The following DNAH6 variants were observed in gnomAD, a reference collection of about 807,000 sequenced individuals.
The protein encoded by DNAH6 is dynein axonemal heavy chain 6.
In DNAH6, 340 loss-of-function variants were observed where a neutral mutation model predicts 491.4. That is an observed-to-expected ratio of 0.69 (90% CI 0.63 to 0.76). The LOEUF (loss-of-function observed/expected upper bound fraction) is 0.76. Among genes scored for constraint, DNAH6 ranks in the 30% least tolerant of loss-of-function variants. The pLI is 0.00. For missense variants in DNAH6, 4,443 were observed against 4,972.2 expected (o/e 0.89, Z 3.20); for synonymous variants, 1,603 against 1,686.1 (o/e 0.95, Z 1.21).
In DNAH6 at chr2:84,785,615, C is replaced by A; in HGVS notation, c.10959C>A (p.Thr3653=). 3 of 1,531,568 alleles carry A rather than the reference C, an allele frequency of 2.0e-6. No individual in the cohort carries two copies. 94.9% of individuals were successfully genotyped at this position (1,531,568 alleles called of 1,614,324 possible). A position where few individuals can be genotyped will look rare whatever the true frequency, so the allele number is the denominator to read the frequency against. ...VTVLQNSVKV[T]NEPPKGLRAN... ...TATATTCTATCTAAATCCAGGTGAC[C>A]AATGAGCCTCCAAAAGGCTTACGTG... The change falls in exon 67 of 77, where the codon ACC becomes ACA. Residue 3653 remains threonine (T), a synonymous_variant. Transcript: ENST00000389394.
chr2:84,549,786 A>C, intron 8 of DNAH6, 103 bp from the exon 9 acceptor site: 1 of 786,594 alleles, frequency 1.3e-6, no homozygotes, highest in Non-Finnish European at 1.9e-6. Flanking sequence ...TTCAAGGAGA[A>C]ATTATGATAT....
chr2:84,627,140 C>A (rs1687954890), intron 29 of DNAH6, among the ~76,000 whole-genome samples: 1 of 152,126 alleles, frequency 6.6e-6, no homozygotes, highest in African/African-American at 2.4e-5. Context: ...AATTATAAAG[C>A]CCCACCTCAG....
chr2:84,614,072 A>G (rs1019336410), intron 22 of DNAH6, among the ~76,000 whole-genome samples: 2 of 151,658 alleles, frequency 1.3e-5, no homozygotes, highest in African/African-American at 4.9e-5. Flanking sequence ...CAGGTGGTGT[A>G]TGGTTCTATG....
chr2:84,575,905 C>T (rs1336957170), intron 12 of DNAH6, among the ~76,000 whole-genome samples: 1 of 152,110 alleles, frequency 6.6e-6, no homozygotes, highest in Non-Finnish European at 1.5e-5. Context: ...AGAAAGAAAT[C>T]GTATTTCTCA....
intron 23 of DNAH6, among the ~76,000 whole-genome samples, chr2:84,617,989 G>A (rs1019797622): frequency 6.6e-6 from 1 of 152,050 alleles, no homozygotes; most frequent in Non-Finnish European, 1.5e-5. Context: ...CCATGAGTCA[G>A]CCCCAGGTGA....
the DNAH6 span, among the ~76,000 whole-genome samples, chr2:84,477,841 A>G: frequency 1.3e-5 from 2 of 152,242 alleles, no homozygotes; most frequent in East Asian, 3.8e-4. Flanking sequence ...GGGATGTGCT[A>G]AAGCTTTGTA....
the DNAH6 span, among the ~76,000 whole-genome samples, chr2:84,491,568 C>G: frequency 2.6e-5 from 4 of 152,054 alleles, no homozygotes; most frequent in African/African-American, 9.7e-5. Context: ...ACTTTTTTGC[C>G]GTAAAGGGAC....
At chr2:84,803,262 C>T (rs1049932065) in intron 70 of DNAH6, among the ~76,000 whole-genome samples, 3 of 151,616 alleles carry the variant, frequency 2.0e-5, no homozygotes, top group African/African-American at 7.3e-5. Context: ...TACACATGGA[C>T]GTAAAGATGG....
At chr2:84,714,271 T>C (rs1697321882) in intron 57 of DNAH6, among the ~76,000 whole-genome samples, 1 of 152,244 alleles carries the variant, frequency 6.6e-6, no homozygotes, top group African/African-American at 2.4e-5. Flanking sequence ...CTTCACCAGA[T>C]GTGTTCAGGT....
intron 63 of DNAH6, among the ~76,000 whole-genome samples, chr2:84,754,388 C>T (rs1305853558): frequency 6.6e-6 from 1 of 151,556 alleles, no homozygotes; most frequent in Non-Finnish European, 1.5e-5. Flanking sequence ...ACCATGTTGG[C>T]CAGGCTGGTC....
intron 57 of DNAH6, among the ~76,000 whole-genome samples, chr2:84,713,883 C>T (rs963242270): frequency 6.6e-6 from 1 of 152,186 alleles, no homozygotes; most frequent in African/African-American, 2.4e-5. Context: ...CCTTCTCATG[C>T]TCTTAGATTC....
intron 63 of DNAH6, among the ~76,000 whole-genome samples, chr2:84,754,807 A>T (rs2105093159): frequency 6.6e-6 from 1 of 152,300 alleles, no homozygotes; most frequent in Non-Finnish European, 1.5e-5. Flanking sequence ...TGAGCTTGTC[A>T]GTTCCTGAAA....
chr2:84,621,169 C>T (rs1687359352), intron 24 of DNAH6, 22 bp from the exon 25 acceptor site: 1 of 1,550,286 alleles, frequency 6.5e-7, no homozygotes, highest in African/African-American at 1.4e-5. Context: ...GCCACTTTAT[C>T]AATGCTCTGA....
intron 2 of DNAH6, among the ~76,000 whole-genome samples, chr2:84,518,640 G>A (rs1001390796): frequency 2.6e-5 from 4 of 152,158 alleles, no homozygotes; most frequent in African/African-American, 9.7e-5. Context: ...ACTAACCGTT[G>A]ATGATTAAAG....
At chr2:84,641,810 G>A (rs1689434502) in intron 32 of DNAH6, 137 bp from the exon 33 acceptor site, 1 of 662,840 alleles carries the variant, frequency 1.5e-6, no homozygotes, top group Admixed American at 2.9e-5. Flanking sequence ...GATGAACGCT[G>A]AACACACGAG....
rs752676700 is a variant in DNAH6 at position 84,557,846 on chromosome 2, C to T, written c.1714C>T (p.Leu572Phe). The change falls in exon 11 of 77, where the codon CTT becomes TTT. Residue 572 changes from leucine (L) to phenylalanine (F), a missense_variant. Around this residue, in one of 3 missense-constraint regions of DNAH6, gnomAD observed 2,977 missense variants for 3,296.6 expected, o/e 0.90. Transcript: ENST00000389394. The part of the protein sequence containing the change: ...AFTSPYINNK[L>F]EGKTCGTGPS... ...CACCAGCCCTTATATTAACAACAAA[C>T]TTGAAGGAAAAACCTGTGGAACTGG... 36 of 1,612,848 alleles carry T rather than the reference C, an allele frequency of 2.2e-5. No individual in the cohort carries two copies. The highest frequency in any genetic ancestry group is 6.7e-5 in the Admixed American group (4 of 59,936).
intron 42 of DNAH6, among the ~76,000 whole-genome samples, chr2:84,683,678 C>A (rs1275406745): frequency 1.3e-5 from 2 of 152,072 alleles, no homozygotes; most frequent in African/African-American, 4.8e-5. Flanking sequence ...CTGCCTCGGC[C>A]TCCCAAAGTG....
intron 4 of DNAH6, among the ~76,000 whole-genome samples, chr2:84,535,323 A>C (rs1677583031): frequency 6.6e-6 from 1 of 152,128 alleles, no homozygotes; most frequent in Admixed American, 6.6e-5. Context: ...GAAATTAGGC[A>C]GCATAATTAG....
chr2:84,520,762 G>C (rs893833827), intron 2 of DNAH6, among the ~76,000 whole-genome samples: 3 of 151,998 alleles, frequency 2.0e-5, no homozygotes, highest in Non-Finnish European at 2.9e-5. Context: ...TTATGGCTGT[G>C]TAGTATTTCA....
Sources: gnomAD v4.1 joint callset for allele counts (sites outside exome capture counted in the v4.1 genomes callset) on GRCh38, gnomAD v4.1.1 for gene constraint, gnomAD v4.1.1 regional missense constraint, MANE v1.5 for transcripts, NCBI Gene and HGNC (gene_info 2026-07-23, HGNC 2026-07-21) for gene names.